The following HDAC9 variants were observed in gnomAD, a reference collection of about 807,000 sequenced individuals.
HDAC9 encodes the protein MEF-2 interacting transcription repressor (MITR) protein.
Under a neutral mutation model 139.4 loss-of-function variants are expected in HDAC9, and 41 were observed. That is an observed-to-expected ratio of 0.29 (90% CI 0.23 to 0.38). The LOEUF (loss-of-function observed/expected upper bound fraction) is 0.38, where lower values mean the gene tolerates loss of function less well. Ranked by LOEUF, HDAC9 falls within the 10% of genes least tolerant of loss-of-function variation. The pLI is 1.00. For missense variants in HDAC9, 1,147 were observed against 1,297.0 expected (o/e 0.88, Z 1.78); for synonymous variants, 517 against 476.2 (o/e 1.09, Z -1.12).
chr7:18,596,075 T>C (rs1372318258), intron 6 of HDAC9, among the ~76,000 whole-genome samples: 1 of 152,108 alleles, frequency 6.6e-6, no homozygotes. Flanking sequence ...GAAAAATCCC[T>C]GGTCTTTTCT....
chr7:18,432,035 G>T (rs1048750340), intron 1 of HDAC9, among the ~76,000 whole-genome samples: 1 of 152,174 alleles, frequency 6.6e-6, no homozygotes, highest in Admixed American at 6.5e-5. Flanking sequence ...GAATAAAACA[G>T]GTATCCATGC....
At chr7:18,551,713 C>T (rs1817199411) in intron 2 of HDAC9, among the ~76,000 whole-genome samples, 1 of 151,980 alleles carries the variant, frequency 6.6e-6, no homozygotes, top group South Asian at 2.1e-4. Flanking sequence ...TGAAATTTAG[C>T]CTGCTAAGAA....
chr7:18,384,276 T>C (rs1785710043), intron 1 of HDAC9, among the ~76,000 whole-genome samples: 1 of 152,004 alleles, frequency 6.6e-6, no homozygotes, highest in African/African-American at 2.4e-5. Context: ...CCGCTGCACT[T>C]CAACCTGAGG....
chr7:18,342,080 T>C (rs954921524), intron 1 of HDAC9, among the ~76,000 whole-genome samples: 1 of 151,816 alleles, frequency 6.6e-6, no homozygotes, highest in Non-Finnish European at 1.5e-5. Context: ...TTTAGGCTTA[T>C]TCTTTCCCTA....
chr7:18,621,158 A>T (rs1367042341), intron 6 of HDAC9, among the ~76,000 whole-genome samples: 1 of 152,012 alleles, frequency 6.6e-6, no homozygotes, highest in Non-Finnish European at 1.5e-5. Context: ...AGTGAAAAAC[A>T]TAATAAATGC....
At chr7:18,732,369 C>T (rs890010469) in intron 13 of HDAC9, among the ~76,000 whole-genome samples, 18 of 151,670 alleles carry the variant, frequency 1.2e-4, no homozygotes, top group African/African-American at 1.7e-4. Context: ...CTATAAGCTT[C>T]TCTTTAATAG....
In HDAC9 at chr7:18,418,102, T is replaced by C. The variant is rs142176288; in HGVS notation, c.-41-78160T>C. 4.1e-4 allele frequency among the ~76,000 whole-genome samples: 62 copies of C among 152,306 alleles called. 1 individual carries two copies. In the East Asian group the frequency reaches 0.012, roughly 29 times the overall value. ...TGTTTCTCATCTCTCAGGATTGCTATCCTTTGATGGCTCAAGTCTAGAATC... is the reference window on the plus strand; with the variant it reads ...TGTTTCTCATCTCTCAGGATTGCTACCCTTTGATGGCTCAAGTCTAGAATC... On this transcript the variant is annotated intron_variant, in intron 1 of 3. Coordinates refer to the HDAC9 transcript ENST00000413509.
intron 2 of HDAC9, among the ~76,000 whole-genome samples, chr7:18,517,169 CAT>C (rs1197695548): frequency 6.6e-6 from 1 of 152,136 alleles, no homozygotes; most frequent in African/African-American, 2.4e-5. Context: ...TAAAGACAAA[CAT>C]ATTCAGAAAG....
At chr7:18,288,565 A>C (rs1475785559), upstream of HDAC9, among the ~76,000 whole-genome samples, 1 of 152,284 alleles carries the variant, frequency 6.6e-6, no homozygotes, top group African/African-American at 2.4e-5. Flanking sequence ...CTTCCTCAAT[A>C]TGTAAGTTAT....
chr7:18,475,176 C>T (rs915013302), intron 1 of HDAC9, among the ~76,000 whole-genome samples: 2 of 152,108 alleles, frequency 1.3e-5, no homozygotes, highest in African/African-American at 2.4e-5. Context: ...ATCTTTTCAC[C>T]CAGGGAATCC....
chr7:18,261,274 C>A (rs1032303314), intron 2 of HDAC9, among the ~76,000 whole-genome samples: 3 of 152,058 alleles, frequency 2.0e-5, no homozygotes, highest in Non-Finnish European at 2.9e-5. Flanking sequence ...TGTCACTGCA[C>A]TCCAGCCTGT....
intron 6 of HDAC9, among the ~76,000 whole-genome samples, chr7:18,618,389 C>A (rs1183239629): frequency 6.6e-6 from 1 of 151,894 alleles, no homozygotes; most frequent in East Asian, 1.9e-4. Context: ...GCTGAGAGAA[C>A]CAATAAGTAC....
intron 2 of HDAC9, among the ~76,000 whole-genome samples, chr7:18,509,935 A>C (rs1269906652): frequency 6.6e-6 from 1 of 152,210 alleles, no homozygotes; most frequent in Admixed American, 6.5e-5. Context: ...TACAGTACCT[A>C]GCATATAATT....
At chr7:18,816,876 G>C (rs915298285) in intron 17 of HDAC9, among the ~76,000 whole-genome samples, 17 of 152,130 alleles carry the variant, frequency 1.1e-4, no homozygotes, top group African/African-American at 4.1e-4. Context: ...ACACCATTTT[G>C]GATGGGGAAG....
chr7:18,238,980 A>G (rs76290993), intron 2 of HDAC9, among the ~76,000 whole-genome samples: 3 of 152,316 alleles, frequency 2.0e-5, no homozygotes, highest in Non-Finnish European at 2.9e-5. Flanking sequence ...TGTTTTCCCC[A>G]TAATTTTTTA....
intron 8 of HDAC9, among the ~76,000 whole-genome samples, chr7:18,643,108 C>T (rs959575083): frequency 1.3e-5 from 2 of 151,940 alleles, no homozygotes; most frequent in Non-Finnish European, 2.9e-5. Flanking sequence ...CTTATATGTT[C>T]CTTTTGTTCT....
upstream of HDAC9, among the ~76,000 whole-genome samples, chr7:18,288,956 G>A (rs1260374152): frequency 6.6e-6 from 1 of 152,148 alleles, no homozygotes; most frequent in African/African-American, 2.4e-5. Flanking sequence ...TTTTGGAGAA[G>A]GGGACAATGA....
At chr7:18,242,857 T>TA (rs1794273969) in intron 2 of HDAC9, among the ~76,000 whole-genome samples, 1 of 152,166 alleles carries the variant, frequency 6.6e-6, no homozygotes, top group Non-Finnish European at 1.5e-5. Context: ...GGAAGGGTCT[T>TA]ACTAGAAAAA....
Position 18,975,757 on chromosome 7 carries a change from T to TA in HDAC9, c.3023-48dup. 3 of 1,564,966 alleles carry TA rather than the reference T, an allele frequency of 1.9e-6. No homozygotes were observed. The South Asian group carries it at 3.4e-5, about 18-fold the overall frequency. The stretch of plus-strand genomic sequence containing the variant: ...GGACGTATGTGAGTATTCTGATTAT[T>TA]ACTGCTGTAATTACAATTCTTATGA... On this transcript the variant is annotated intron_variant, in intron 24 of 25. Transcript: ENST00000686413.
Sources: gnomAD v4.1 joint callset for allele counts (sites outside exome capture counted in the v4.1 genomes callset) on GRCh38, gnomAD v4.1.1 for gene constraint, MANE v1.5 for transcripts, NCBI Gene and HGNC (gene_info 2026-07-23, HGNC 2026-07-21) for gene names.